CEP63: variants seen among roughly 807,000 people sequenced by gnomAD.
CEP63 encodes centrosomal protein of 63 kDa.
Under a neutral mutation model 89.1 loss-of-function variants are expected in CEP63, and 84 were observed. The observed-to-expected ratio is 0.94, with a 90% CI of 0.79 to 1.13. The LOEUF (loss-of-function observed/expected upper bound fraction) is 1.13. Among genes scored for constraint, CEP63 ranks in the 50% most tolerant of loss-of-function variants. The pLI, the probability that CEP63 is intolerant of heterozygous loss-of-function variation, is 0.00. For synonymous variants in CEP63, 267 were observed against 272.5 expected (o/e 0.98, Z 0.20); for missense variants, 838 against 813.3 (o/e 1.03, Z -0.37).
the CEP63 span, among the ~76,000 whole-genome samples, chr3:134,697,005 T>C: frequency 1.3e-5 from 2 of 152,206 alleles, no homozygotes; most frequent in African/African-American, 4.8e-5. Context: ...TTACTTGACA[T>C]ACATTGCTAA....
the CEP63 span, chr3:134,627,651 C>T: frequency 1.0e-6 from 1 of 981,574 alleles, no homozygotes; most frequent in East Asian, 2.5e-5. Flanking sequence ...TGGCCCCAGC[C>T]TCTCAGCATA....
In CEP63 at chr3:134,559,392, C is replaced by A; in HGVS notation, c.1916C>A (p.Ser639Tyr). Residue 639 changes from serine to tyrosine, a missense_variant, in exon 14 of 15, where the codon TCT (serine) becomes TAT (tyrosine). Ser to Tyr is a moderately radical substitution (Grantham distance 144). Coordinates refer to ENST00000675561, the MANE Select transcript of CEP63 (RefSeq NM_001353108.3). ...TNEANFSDTM[S>Y]ESMNDQEEFI... ...GAAGCCAATTTTTCTGACACTATGT[C>A]TGAGAGTATGAATGACCAAGAAGAG... The A allele has an allele frequency of 6.2e-7, 1 of 1,613,812 alleles. No homozygotes were observed. Among genetic ancestry groups the A allele is most frequent in the Non-Finnish European group, 8.5e-7 (1 of 1,179,740 alleles).
At chr3:134,554,618 C>G in intron 12 of CEP63, among the ~76,000 whole-genome samples, 1 of 150,808 alleles carries the variant, frequency 6.6e-6, no homozygotes, top group African/African-American at 2.4e-5. Context: ...ATGGCTGGGT[C>G]AAATGGTATT....
chr3:134,492,070 C>CTTTTTTTTT (rs74269453), intron 1 of CEP63, among the ~76,000 whole-genome samples: 4 of 103,678 alleles, frequency 3.9e-5, no homozygotes, highest in Non-Finnish European at 7.3e-5. Flanking sequence ...TATTTGTATT[C>CTTTTTTTTT]TTTTTTTTTT....
the CEP63 span, among the ~76,000 whole-genome samples, chr3:134,701,085 C>T: frequency 6.6e-6 from 1 of 151,380 alleles, no homozygotes; most frequent in Non-Finnish European, 1.5e-5. Flanking sequence ...GTGTTCAATC[C>T]ACCATGAGCA....
intron 2 of CEP63, among the ~76,000 whole-genome samples, chr3:134,496,189 T>C (rs1261941047): frequency 1.1e-5 from 1 of 87,978 alleles, no homozygotes; most frequent in Non-Finnish European, 2.7e-5. Flanking sequence ...AGCAAACTTT[T>C]ATTGATGCTA....
chr3:134,780,370 C>T, the CEP63 span, among the ~76,000 whole-genome samples: 1 of 152,242 alleles, frequency 6.6e-6, no homozygotes, highest in South Asian at 2.1e-4. Context: ...TTTATCATTC[C>T]AAACAGAAAC....
chr3:134,714,614 T>C, the CEP63 span, among the ~76,000 whole-genome samples: 1 of 152,238 alleles, frequency 6.6e-6, no homozygotes, highest in African/African-American at 2.4e-5. Context: ...CATTTCTTGA[T>C]ACTCATCTGT....
intron 3 of CEP63, among the ~76,000 whole-genome samples, chr3:134,509,325 G>A (rs889255469): frequency 6.6e-6 from 1 of 152,104 alleles, no homozygotes; most frequent in Non-Finnish European, 1.5e-5. Context: ...CAGATCTCAG[G>A]AAAACTCACT....
chr3:134,508,837 G>A (rs1944149785), intron 3 of CEP63, among the ~76,000 whole-genome samples: 1 of 152,146 alleles, frequency 6.6e-6, no homozygotes, highest in Admixed American at 6.6e-5. Flanking sequence ...TGGTTAATTT[G>A]CTACTTCATT....
intron 1 of CEP63, chr3:134,486,617 CG>C: frequency 1.1e-6 from 1 of 885,098 alleles, no homozygotes; most frequent in Non-Finnish European, 1.4e-6. Context: ...TCCTTTTCAG[CG>C]GAGAGACCCC....
chr3:134,621,516 GC>G, the CEP63 span, among the ~76,000 whole-genome samples: 3 of 152,154 alleles, frequency 2.0e-5, no homozygotes, highest in Non-Finnish European at 4.4e-5. Context: ...GTTTCCACAT[GC>G]AAAAGAATAA....
In CEP63 at chr3:134,545,705, G is replaced by A; in HGVS notation, c.675G>A (p.Leu225=). ...RANDTICANE[L]EIERLTMRVN... Reference sequence around the variant, plus strand: ...ATGACACTATCTGTGCCAATGAGTTGGAAATAGAGCGCCTCACCATGAGGG... The same window carrying A: ...ATGACACTATCTGTGCCAATGAGTTAGAAATAGAGCGCCTCACCATGAGGG... Residue 225 remains leucine (L), a synonymous_variant, in exon 7 of 15, where the codon TTG becomes TTA. Transcript: ENST00000675561. 1 of 1,614,022 alleles carries A rather than the reference G, an allele frequency of 6.2e-7. No individual in the cohort carries two copies. The highest frequency in any genetic ancestry group is 8.5e-7 in the Non-Finnish European group (1 of 1,179,980).
the CEP63 span, among the ~76,000 whole-genome samples, chr3:134,652,615 G>T: frequency 1.3e-5 from 2 of 151,310 alleles, no homozygotes; most frequent in African/African-American, 2.4e-5. Flanking sequence ...AGTGAGTCTT[G>T]TCCTGTCTGT....
intron 10 of CEP63, among the ~76,000 whole-genome samples, chr3:134,581,728 T>G (rs1475159603): frequency 1.7e-5 from 2 of 117,522 alleles, no homozygotes; most frequent in Non-Finnish European, 3.4e-5. Flanking sequence ...CAGGCTGGAG[T>G]GCAGTGGCGC....
At chr3:134,503,603 G>A (rs183696499) in intron 2 of CEP63, among the ~76,000 whole-genome samples, 50 of 152,140 alleles carry the variant, frequency 3.3e-4, no homozygotes, top group African/African-American at 1.2e-3. Flanking sequence ...TCAAAGTGGG[G>A]TACCGAAGTC....
Position 134,562,055 on chromosome 3 carries a change from A to G in CEP63, c.*520A>G. On this transcript the variant is annotated 3_prime_UTR_variant, in exon 15 of 15. Transcript: ENST00000675561. ...TGGTAGTGTGTAAAGTCAGGCTGGT[A>G]GTGAATAAGGGGGGGGTGTGCTAAA... is the stretch of plus-strand genomic sequence containing the variant. 1.0e-6 allele frequency: 1 copy of G among 997,264 alleles called. No individual in the cohort carries two copies. Among genetic ancestry groups the G allele is most frequent in the Non-Finnish European group, 1.2e-6 (1 of 837,120 alleles). 61.8% of individuals were successfully genotyped at this position (997,264 alleles called of 1,614,324 possible).
At chr3:134,672,903 T>G in the CEP63 span, among the ~76,000 whole-genome samples, 1 of 152,188 alleles carries the variant, frequency 6.6e-6, no homozygotes, top group Non-Finnish European at 1.5e-5. Flanking sequence ...GCAGCTCTAA[T>G]CATGTCATGT....
At chr3:134,731,654 A>G in the CEP63 span, among the ~76,000 whole-genome samples, 1 of 152,184 alleles carries the variant, frequency 6.6e-6, no homozygotes, top group East Asian at 1.9e-4. Flanking sequence ...AAGGCAAGCA[A>G]GTAAAGCCAC....
Sources: gnomAD v4.1 joint callset for allele counts (sites outside exome capture counted in the v4.1 genomes callset) on GRCh38, gnomAD v4.1.1 for gene constraint, MANE v1.5 for transcripts, NCBI Gene and HGNC (gene_info 2026-07-23, HGNC 2026-07-21) for gene names.